Variants in SLF1 observed in about 807,000 individuals in gnomAD.
SLF1 encodes SMC5-SMC6 complex localization factor protein 1.
SLF1 carries 105 observed loss-of-function variants against 123.0 expected under a neutral mutation model. That is an observed-to-expected ratio of 0.85 (90% CI 0.73 to 1.00). The LOEUF is 1.00. Ranked by LOEUF, SLF1 falls within the 50% of genes least tolerant of loss-of-function variation. SLF1 has a pLI of 0.00. For synonymous variants in SLF1, 434 were observed against 406.6 expected, an observed-to-expected ratio of 1.07 and a Z score of -0.81; for missense variants, 1,239 against 1,223.0, an observed-to-expected ratio of 1.01 and a Z score of -0.20.
At chr5:94,656,716 T>C (rs1356601007) in intron 9 of SLF1, among the ~76,000 whole-genome samples, 1 of 151,940 alleles carries the variant, frequency 6.6e-6, no homozygotes, top group Non-Finnish European at 1.5e-5. Flanking sequence ...GTAGGTTATA[T>C]GTGTCCAGGA....
rs755835856 is a variant in SLF1 at position 94,649,488 on chromosome 5, A to G, written c.629A>G (p.Asn210Ser). The part of the protein sequence containing the change: ...EIQNDEDSQT[N>S]SVWTEHSNEE... ...CAGAATGATGAAGATTCCCAAACCAATTCTGTTTGGACTGAACATAGCAAT... is the reference window on the plus strand; with the variant it reads ...CAGAATGATGAAGATTCCCAAACCAGTTCTGTTTGGACTGAACATAGCAAT... Residue 210 changes from asparagine to serine, a missense_variant, in exon 6 of 21, where the codon AAT becomes AGT. Transcript: ENST00000265140. 1.1e-4 allele frequency: 174 copies of G among 1,519,722 alleles called. No homozygotes were observed. Among genetic ancestry groups the G allele is most frequent in the Non-Finnish European group, 1.4e-4 (161 of 1,126,198 alleles). The allele number at this position is 1,519,722 out of a possible 1,614,324, so 94.1% of individuals were successfully genotyped here.
chr5:94,675,645 A>T (rs1015550150), intron 14 of SLF1, among the ~76,000 whole-genome samples: 9 of 152,144 alleles, frequency 5.9e-5, no homozygotes, highest in Non-Finnish European at 1.0e-4. Flanking sequence ...CTTTTCATAT[A>T]AAAACTTACT....
chr5:94,693,908 T>C (rs1411117266), intron 20 of SLF1, among the ~76,000 whole-genome samples: 1 of 151,674 alleles, frequency 6.6e-6, no homozygotes, highest in East Asian at 2.0e-4. Context: ...ATTAAGTACA[T>C]TTTATATCTA....
chr5:94,643,912 G>T (rs928946957), intron 5 of SLF1, among the ~76,000 whole-genome samples: 1 of 152,072 alleles, frequency 6.6e-6, no homozygotes, highest in Non-Finnish European at 1.5e-5. Context: ...GCACTCAGGG[G>T]AGAAGAGAAC....
intron 4 of SLF1, among the ~76,000 whole-genome samples, chr5:94,638,129 G>A (rs909090087): frequency 2.0e-5 from 3 of 151,828 alleles, no homozygotes; most frequent in Non-Finnish European, 2.9e-5. Context: ...AGATTTGTGC[G>A]CTGGTTTTTG....
chr5:94,649,661 A>G (rs1747451222), intron 6 of SLF1, 64 bp downstream of exon 6: 10 of 1,310,984 alleles, frequency 7.6e-6, no homozygotes, highest in Admixed American at 6.2e-5. Flanking sequence ...TTAAGAGGCA[A>G]AGTATGGTGG....
At position 94,670,177 on chromosome 5, in the gene SLF1, G is replaced by A; in HGVS notation, c.1559G>A (p.Cys520Tyr). 6.5e-7 allele frequency: 1 copy of A among 1,537,214 alleles called. No homozygotes were observed. The highest frequency in any genetic ancestry group is 8.8e-7 in the Non-Finnish European group (1 of 1,141,510). The change falls in exon 13 of 21, where the codon TGT (cysteine) becomes TAT (tyrosine). Residue 520 changes from cysteine (C) to tyrosine (Y), a missense_variant. Cys to Tyr is a radical substitution (Grantham distance 194). Transcript: ENST00000265140. ...IRSCLFNESF[C>Y]HQISENIGSK... The stretch of plus-strand genomic sequence containing the variant: ...TCTTGCCTTTTCAATGAAAGCTTTT[G>A]TCATCAAATTTCAGAAAATATTGGC...
intron 9 of SLF1, among the ~76,000 whole-genome samples, chr5:94,660,490 G>A (rs868231561): frequency 2.6e-5 from 4 of 152,154 alleles, no homozygotes; most frequent in South Asian, 2.1e-4. Flanking sequence ...GCTAGTAGTC[G>A]GAGTAGGGTA....
chr5:94,668,037 C>T (rs574690347), intron 12 of SLF1, among the ~76,000 whole-genome samples: 5 of 152,284 alleles, frequency 3.3e-5, no homozygotes, highest in African/African-American at 1.2e-4. Flanking sequence ...CATGAGCCAC[C>T]ATGCCTCACT....
chr5:94,630,879 A>G, intron 4 of SLF1, 136 bp downstream of exon 4: 1 of 932,220 alleles, frequency 1.1e-6, no homozygotes, highest in Non-Finnish European at 1.6e-6. Context: ...TAGGTAAGCC[A>G]TTATGCTCGT....
chr5:94,679,829 C>T (rs1054866292), intron 15 of SLF1, among the ~76,000 whole-genome samples: 5 of 152,082 alleles, frequency 3.3e-5, no homozygotes, highest in African/African-American at 1.2e-4. Flanking sequence ...AAAAGTTCTA[C>T]CCAATTCTTT....
chr5:94,631,956 ATT>A (rs1291838417), intron 4 of SLF1, among the ~76,000 whole-genome samples: 1 of 141,540 alleles, frequency 7.1e-6, no homozygotes, highest in Non-Finnish European at 1.5e-5. Flanking sequence ...TCTCTACAAA[ATT>A]TTTTTTTCTT....
rs372741305 is a variant in SLF1 at position 94,642,157 on chromosome 5, C to T, written c.432-1116C>T. On this transcript the variant is annotated intron_variant, in intron 4 of 20. Coordinates refer to ENST00000265140, the MANE Select transcript of SLF1 (RefSeq NM_032290.4). ...TTATTCTTACCCAAATAACTTAAGG[C>T]TTTTGCTTTATATGAGAGAACGGTC... 3.9e-5 allele frequency among the ~76,000 whole-genome samples: 6 copies of T among 152,290 alleles called. No individual in the cohort carries two copies. In the East Asian group the frequency reaches 5.8e-4, roughly 15 times the overall value.
chr5:94,650,998 A>C (rs1490045281), intron 6 of SLF1, among the ~76,000 whole-genome samples: 1 of 152,242 alleles, frequency 6.6e-6, no homozygotes. Flanking sequence ...TCATGTACAC[A>C]TAATGATGTT....
At position 94,673,011 on chromosome 5, in the gene SLF1, T is replaced by C. The variant is rs990352733; in HGVS notation, c.1827+2003T>C. On this transcript the variant is annotated intron_variant, in intron 14 of 20. Transcript: ENST00000265140. ...AAGGACTATTCTAATCCAATGTCTA[T>C]GTTTGGGGGACTCTGGGTAGTTCAA... Among the ~76,000 whole-genome samples the C allele has an allele frequency of 2.6e-5, 4 of 152,174 alleles. No individual in the cohort carries two copies. The East Asian group carries it at 7.7e-4, about 29-fold the overall frequency.
chr5:94,638,022 C>T (rs992411233), intron 4 of SLF1, among the ~76,000 whole-genome samples: 2 of 152,016 alleles, frequency 1.3e-5, no homozygotes, highest in Admixed American at 1.3e-4. Flanking sequence ...AGATTCCCGC[C>T]AGGTAGAACA....
chr5:94,671,838 TC>T (rs1158494898), intron 14 of SLF1, among the ~76,000 whole-genome samples: 6 of 151,984 alleles, frequency 3.9e-5, no homozygotes, highest in African/African-American at 1.4e-4. Flanking sequence ...AATTTTGATT[TC>T]CCTCTTTGAT....
intron 1 of SLF1, among the ~76,000 whole-genome samples, chr5:94,621,830 G>T (rs1410098586): frequency 1.3e-5 from 2 of 152,024 alleles, no homozygotes; most frequent in Non-Finnish European, 2.9e-5. Flanking sequence ...ATGGAAGTAA[G>T]AACAGCCCTC....
chr5:94,643,123 G>T lies in SLF1; in HGVS notation c.432-150G>T. ...ACAATTTATAATTTAAGAAATTGCA[G>T]CCGTGTTCTCTGTGATCCTCAATTG... On this transcript the variant is annotated intron_variant, in intron 4 of 20. Transcript: ENST00000265140. 5.8e-6 allele frequency: 3 copies of T among 520,496 alleles called. No individual in the cohort carries two copies. In the East Asian group the frequency reaches 1.0e-4, roughly 18 times the overall value. The allele number at this position is 520,496 out of a possible 1,614,324, so 32.2% of individuals were successfully genotyped here.
Sources: allele counts gnomAD v4.1 joint callset (sites outside exome capture counted in the v4.1 genomes callset), GRCh38; gene constraint gnomAD v4.1.1; transcripts MANE v1.5; gene names NCBI Gene and HGNC (gene_info 2026-07-23, HGNC 2026-07-21).